The following ROBO2 variants were observed in gnomAD, a reference collection of about 807,000 sequenced individuals.
ROBO2 encodes roundabout guidance receptor 2, also known as roundabout homolog 2.
A neutral mutation model predicts 160.8 loss-of-function variants in ROBO2; 53 were observed. The ratio of observed to expected loss-of-function variants is 0.33; its 90% CI spans 0.26 to 0.41. ROBO2 has a LOEUF of 0.41. ROBO2 is among the 10% of genes least tolerant of loss of function. ROBO2 has a pLI of 1.00. For synonymous variants in ROBO2, 664 were observed against 611.7 expected, an observed-to-expected ratio of 1.09 and a Z score of -1.26; for missense variants, 1,577 against 1,722.4, an observed-to-expected ratio of 0.92 and a Z score of 1.49.
chr3:77,201,169 G>A (rs1490246411), intron 2 of ROBO2, among the ~76,000 whole-genome samples: 2 of 152,152 alleles, frequency 1.3e-5, no homozygotes, highest in East Asian at 3.9e-4. Context: ...AAGCTACAGA[G>A]ATTTTATGTA....
At chr3:76,228,361 C>G (rs1426282677) in intron 2 of ROBO2, among the ~76,000 whole-genome samples, 3 of 152,044 alleles carry the variant, frequency 2.0e-5, no homozygotes, top group Non-Finnish European at 4.4e-5. Flanking sequence ...TCAGGTTCAG[C>G]CAGAAACTTG....
chr3:76,500,601 C>A (rs1476505437), intron 2 of ROBO2, among the ~76,000 whole-genome samples: 5 of 152,110 alleles, frequency 3.3e-5, no homozygotes, highest in Non-Finnish European at 7.3e-5. Flanking sequence ...GAAGGGGGTA[C>A]CACATTTGTC....
At chr3:76,662,543 A>T (rs912966899) in intron 2 of ROBO2, among the ~76,000 whole-genome samples, 1 of 152,170 alleles carries the variant, frequency 6.6e-6, no homozygotes, top group Admixed American at 6.5e-5. Flanking sequence ...GAGAATAAAA[A>T]TAAACATTAC....
chr3:77,564,862 T>C (rs2093433222), intron 11 of ROBO2, 92 bp from the exon 13 acceptor site: 1 of 1,055,456 alleles, frequency 9.5e-7, no homozygotes, highest in African/African-American at 1.6e-5. Flanking sequence ...GTGTGTTTAA[T>C]TTCCAGCCAT....
At chr3:77,604,929 A>G (rs1283122866) in intron 20 of ROBO2, among the ~76,000 whole-genome samples, 1 of 151,980 alleles carries the variant, frequency 6.6e-6, no homozygotes, top group Non-Finnish European at 1.5e-5. Flanking sequence ...AGTTCTGAGC[A>G]CTTCCATTAA....
At chr3:76,487,864 A>T (rs1180861098) in intron 2 of ROBO2, among the ~76,000 whole-genome samples, 1 of 152,098 alleles carries the variant, frequency 6.6e-6, no homozygotes, top group Non-Finnish European at 1.5e-5. Flanking sequence ...ATCTCCGTGG[A>T]CCCTTTCACA....
intron 2 of ROBO2, among the ~76,000 whole-genome samples, chr3:76,367,233 A>G (rs889083632): frequency 2.0e-5 from 3 of 152,022 alleles, no homozygotes; most frequent in Non-Finnish European, 4.4e-5. Context: ...ATTCTGAACA[A>G]TTGTAGAAAG....
chr3:76,940,446 G>C (rs955546688), intron 2 of ROBO2, among the ~76,000 whole-genome samples: 1 of 152,062 alleles, frequency 6.6e-6, no homozygotes, highest in Non-Finnish European at 1.5e-5. Flanking sequence ...AGCTACTTTC[G>C]TTCTCGATAC....
At chr3:76,811,632 G>A (rs777127117) in intron 2 of ROBO2, among the ~76,000 whole-genome samples, 3 of 152,124 alleles carry the variant, frequency 2.0e-5, no homozygotes, top group Non-Finnish European at 4.4e-5. Flanking sequence ...TGTCCTCTGA[G>A]CTAGAAAACC....
chr3:77,574,039 G>T (rs921662698), intron 13 of ROBO2, among the ~76,000 whole-genome samples: 8 of 152,024 alleles, frequency 5.3e-5, no homozygotes, highest in Non-Finnish European at 1.2e-4. Flanking sequence ...CATGTGTTTT[G>T]ATTGAGTGAT....
At chr3:76,484,702 T>G (rs1351308909) in intron 2 of ROBO2, among the ~76,000 whole-genome samples, 1 of 152,190 alleles carries the variant, frequency 6.6e-6, no homozygotes, top group Non-Finnish European at 1.5e-5. Flanking sequence ...GCTGCTTTAT[T>G]ATACCCAAAA....
rs148005791 is a variant in ROBO2, at chr3:76,240,512, A to G, written c.109+302910A>G. Among the ~76,000 whole-genome samples, 6 of 152,352 alleles carry G rather than the reference A, an allele frequency of 3.9e-5. No homozygotes were observed. In the East Asian group the frequency reaches 7.7e-4, roughly 20 times the overall value. On this transcript the variant is annotated intron_variant, in intron 2 of 26. Coordinates refer to the ROBO2 transcript ENST00000487694. ...TATTTGAAGGGTGTGATGACATTCA[A>G]GATTCGTTGAAGTAGAAGGAAACTT...
intron 5 of ROBO2, among the ~76,000 whole-genome samples, chr3:77,510,397 A>G (rs1434549823): frequency 6.6e-6 from 1 of 152,034 alleles, no homozygotes; most frequent in Non-Finnish European, 1.5e-5. Context: ...TGTGAACTGA[A>G]TAAGTGAGGA....
intron 23 of ROBO2, chr3:77,632,494 G>A (rs1442462502): frequency 2.0e-6 from 3 of 1,533,778 alleles, no homozygotes; most frequent in African/African-American, 1.4e-5. Flanking sequence ...AAATGGATGG[G>A]GCTCTGCATC....
chr3:77,166,494 A>G (rs2079086845), intron 2 of ROBO2, among the ~76,000 whole-genome samples: 1 of 151,982 alleles, frequency 6.6e-6, no homozygotes, highest in African/African-American at 2.4e-5. Context: ...CTCTTGTTCT[A>G]TCTCTTAGTT....
intron 2 of ROBO2, among the ~76,000 whole-genome samples, chr3:76,521,045 CTTT>C (rs58517740): frequency 3.0e-5 from 3 of 100,088 alleles, no homozygotes; most frequent in Admixed American, 1.2e-4. Flanking sequence ...AAAATTGCTT[CTTT>C]TTTTTTTTTT....
chr3:76,540,589 C>T (rs3849504), intron 2 of ROBO2, among the ~76,000 whole-genome samples: 3,400 of 152,178 alleles, frequency 0.022, 126 homozygotes, highest in African/African-American at 0.076. Flanking sequence ...AGAATATATG[C>T]TTAATATATA....
chr3:76,664,547 G>A (rs1290991393), intron 2 of ROBO2, among the ~76,000 whole-genome samples: 1 of 152,198 alleles, frequency 6.6e-6, no homozygotes, highest in Non-Finnish European at 1.5e-5. Flanking sequence ...GAGGTTTAAA[G>A]TAGAGATAAA....
intron 2 of ROBO2, among the ~76,000 whole-genome samples, chr3:76,446,981 A>T (rs59555020): frequency 0.28 from 42,632 of 152,056 alleles, 7,096 homozygotes; most frequent in South Asian, 0.4. Flanking sequence ...ATAGGCATGG[A>T]CAAGGACTTC....
Sources: gnomAD v4.1 joint callset for allele counts (sites outside exome capture counted in the v4.1 genomes callset) on GRCh38, gnomAD v4.1.1 for gene constraint, MANE v1.5 for transcripts, NCBI Gene and HGNC (gene_info 2026-07-23, HGNC 2026-07-21) for gene names.